Variants in ZNF287 observed in about 807,000 individuals in gnomAD.
ZNF287 encodes the protein zinc finger protein 287.
A neutral mutation model predicts 73.7 loss-of-function variants in ZNF287; 31 were observed. That is an observed-to-expected ratio of 0.42 (90% CI 0.32 to 0.57). ZNF287 has a LOEUF of 0.57. Among genes scored for constraint, ZNF287 ranks in the 20% least tolerant of loss-of-function variants. The pLI is 0.13. For missense variants in ZNF287, 641 were observed against 909.3 expected, an observed-to-expected ratio of 0.70 and a Z score of 3.79; for synonymous variants, 301 against 307.2, an observed-to-expected ratio of 0.98 and a Z score of 0.21.
intron 5 of ZNF287, among the ~76,000 whole-genome samples, chr17:16,562,372 A>G (rs1907499458): frequency 6.6e-6 from 1 of 152,240 alleles, no homozygotes; most frequent in Admixed American, 6.5e-5. Context: ...AAATGGACAA[A>G]AACTATTTTT....
rs982628006 is a variant in ZNF287, at chr17:16,548,634, A to G, written c.*3222T>C. 3.3e-5 allele frequency among the ~76,000 whole-genome samples: 5 copies of G among 151,906 alleles called. No homozygotes were observed. The highest frequency in any genetic ancestry group is 1.9e-4 in the East Asian group (1 of 5,182). On this transcript the variant is annotated 3_prime_UTR_variant, in exon 6 of 6. Transcript: ENST00000395825. ...AACACAGTGAAACCCCATCTCTACT[A>G]AAAAAATACAAAGAAATTAGCCGGG...
Position 16,563,228 on chromosome 17 carries a change from A to G in ZNF287, c.633T>C (p.Leu211=). Residue 211 remains leucine (L), a synonymous_variant, in exon 5 of 6, where the codon CTT becomes CTC. Transcript: ENST00000395825. ...QNYWNMVSLG[L]TVYRPTVIPI... ...GAATCACAGTTGGTCTGTACACTGT[A>G]AGTCCTGTTCAGGAGGAATATAAAG... 6.2e-7 allele frequency: 1 copy of G among 1,606,848 alleles called. No homozygotes were observed. Among genetic ancestry groups the G allele is most frequent in the Non-Finnish European group, 8.5e-7 (1 of 1,177,020 alleles).
chr17:16,549,861 T>C lies in ZNF287; in HGVS notation c.*1995A>G, dbSNP rs1367448602. ...TTAAGCAGTTCCCAAGTAAATGTTATTTGTTGAACATTTCTTTGATATATG... is the reference window on the plus strand; with the variant it reads ...TTAAGCAGTTCCCAAGTAAATGTTACTTGTTGAACATTTCTTTGATATATG... On this transcript the variant is annotated 3_prime_UTR_variant, in exon 6 of 6. Transcript: ENST00000395825. Among the ~76,000 whole-genome samples, 1 of 152,220 alleles carries C rather than the reference T, an allele frequency of 6.6e-6. No individual in the cohort carries two copies. Among genetic ancestry groups the C allele is most frequent in the Non-Finnish European group, 1.5e-5 (1 of 68,022 alleles).
rs9912759 is a variant in ZNF287 at position 16,547,927 on chromosome 17, T to C, written c.*3929A>G. ...ACTTAACACATTGAATCATGTGTTA[T>C]CACTGCAGATGAAAGCATCAAACTC... is the stretch of plus-strand genomic sequence containing the variant. On this transcript the variant is annotated 3_prime_UTR_variant, in exon 6 of 6. Transcript: ENST00000395825. 0.034 allele frequency among the ~76,000 whole-genome samples: 5,143 copies of C among 152,278 alleles called. 310 individuals are homozygous for C. Among genetic ancestry groups the C allele is most frequent in the African/African-American group, 0.12 (4,899 of 41,526 alleles).
In ZNF287 at chr17:16,553,062, T is replaced by C. The variant is rs759296162; in HGVS notation, c.1080A>G (p.Lys360=). Residue 360 remains lysine, a synonymous_variant, in exon 6 of 6, where the codon AAA becomes AAG. Transcript: ENST00000395825. ...TGTAAGGCTTCTCTCCAGGAAGTAT[T>C]TTCCTATGTACAATACCATATGAGA... The part of the protein sequence containing the change: ...NHVSYGIVHR[K]ILPGEKPYKC... 1.2e-6 allele frequency: 2 copies of C among 1,614,090 alleles called. No homozygotes were observed. The highest frequency in any genetic ancestry group is 8.5e-7 in the Non-Finnish European group (1 of 1,180,028).
Position 16,563,193 on chromosome 17 carries a change from T to G in ZNF287, c.668A>C (p.Glu223Ala). 1.9e-6 allele frequency: 3 copies of G among 1,613,874 alleles called. No homozygotes were observed. The highest frequency in any genetic ancestry group is 2.5e-6 in the Non-Finnish European group (3 of 1,179,862). Reference protein sequence around the residue: ...VYRPTVIPILEEPWMVIKEIL... With the variant: ...VYRPTVIPILAEPWMVIKEIL... ...TTCTTTTATCACCATCCATGGTTCT[T>G]CCAATATGGGAATCACAGTTGGTCT... The change falls in exon 5 of 6, where the codon GAA (glutamate) becomes GCA (alanine). Residue 223 changes from glutamate (E) to alanine (A), a missense_variant. By Grantham distance (107) the Glu-to-Ala change is moderately radical. Transcript: ENST00000395825.
In ZNF287 at chr17:16,547,688, CCT is replaced by C. The variant is rs1353991370; in HGVS notation, c.*4166_*4167del. ...CCAGATCTTGGTTTCTAAATAGCTA[CCT>C]ATTAAAAGGAGCCAGGGATTCTTGG... is the stretch of plus-strand genomic sequence containing the variant. On this transcript the variant is annotated 3_prime_UTR_variant, in exon 6 of 6. Coordinates refer to ENST00000395825, the MANE Select transcript of ZNF287 (RefSeq NM_020653.4). 2.0e-5 allele frequency among the ~76,000 whole-genome samples: 3 copies of C among 152,172 alleles called. No individual in the cohort carries two copies. The highest frequency in any genetic ancestry group is 1.3e-4 in the Admixed American group (2 of 15,270).
chr17:16,567,213 T>G, intron 2 of ZNF287, 116 bp downstream of exon 2: 1 of 1,383,788 alleles, frequency 7.2e-7, no homozygotes, highest in Non-Finnish European at 9.7e-7. Context: ...TTTTAAAAAA[T>G]GCATCCTGGA....
rs930413525 is a variant in ZNF287, at chr17:16,552,138, C to T, written c.2004G>A (p.Arg668=). The change falls in exon 6 of 6, where the codon AGG becomes AGA. Residue 668 remains arginine, a synonymous_variant. Coordinates refer to ENST00000395825, the MANE Select transcript of ZNF287 (RefSeq NM_020653.4). This position sits in a 1 kb window ranked among gnomAD's most constrained non-coding sequence, Gnocchi z 6.5. ...TATAGGGTTTTTCTCCAGTATGAAT[C>T]CTTTGATGCTGAGTAAGATTTGCGC... is the stretch of plus-strand genomic sequence containing the variant. ...RQGANLTQHQ[R]IHTGEKPYKC... is the part of the protein sequence containing the mutation. 1 of 1,613,666 alleles carries T rather than the reference C, an allele frequency of 6.2e-7. No individual in the cohort carries two copies. The highest frequency in any genetic ancestry group is 1.3e-5 in the African/African-American group (1 of 74,808).
Position 16,568,426 on chromosome 17 carries a change from C to T in ZNF287, c.-198-497G>A, listed in dbSNP as rs111315254. Among the ~76,000 whole-genome samples, 314 of 152,260 alleles carry T rather than the reference C, an allele frequency of 2.1e-3. 2 individuals carry two copies. The highest frequency in any genetic ancestry group is 0.01 in the Middle Eastern group (3 of 294). On this transcript the variant is annotated intron_variant, in intron 1 of 5. Transcript: ENST00000395825. ...TTAATGCCAGCCGATTCTAGCCTTT[C>T]ACTATCAGAGGGTTGGGAAGACCAG...
rs1906416470 is a variant in ZNF287 at position 16,548,492 on chromosome 17, C to T, written c.*3364G>A. On this transcript the variant is annotated 3_prime_UTR_variant, in exon 6 of 6. Coordinates refer to ENST00000395825, the MANE Select transcript of ZNF287 (RefSeq NM_020653.4). ...TGAGACATTTTTCAAGACAACTGAC[C>T]TGCTCTCTTAAAGAGGAAAAACTGT... 6.6e-6 allele frequency among the ~76,000 whole-genome samples: 1 copy of T among 152,076 alleles called. No homozygotes were observed. Among genetic ancestry groups the T allele is most frequent in the Non-Finnish European group, 1.5e-5 (1 of 68,006 alleles).
chr17:16,552,199 A>C lies in ZNF287; in HGVS notation c.1943T>G (p.Phe648Cys). Residue 648 changes from phenylalanine (F) to cysteine (C), a missense_variant, in exon 6 of 6, where the codon TTT becomes TGT. Phe to Cys is a radical substitution (Grantham distance 205). Transcript: ENST00000395825. This position sits in a 1 kb window ranked among gnomAD's most constrained non-coding sequence, Gnocchi z 6.5. ...HQRIHNGEKP[F>C]KCNICGKAYR... ...TGCTTTCCCACATATATTGCATTTAAAGGGTTTTTCTCCATTATGAATCCT... is the reference window on the plus strand; with the variant it reads ...TGCTTTCCCACATATATTGCATTTACAGGGTTTTTCTCCATTATGAATCCT... 6.2e-7 allele frequency: 1 copy of C among 1,613,650 alleles called. No homozygotes were observed. Among genetic ancestry groups the C allele is most frequent in the Non-Finnish European group, 8.5e-7 (1 of 1,179,882 alleles).
At chr17:16,555,982 A>G (rs561699435) in intron 5 of ZNF287, among the ~76,000 whole-genome samples, 1 of 152,350 alleles carries the variant, frequency 6.6e-6, no homozygotes, top group Non-Finnish European at 1.5e-5. Flanking sequence ...CAGCTACATC[A>G]TCAGTAAGAG....
rs752041194 is a variant in ZNF287, at chr17:16,567,655, T to A, written c.77A>T (p.Gln26Leu). 5.0e-6 allele frequency: 8 copies of A among 1,614,224 alleles called. No homozygotes were observed. Among genetic ancestry groups the A allele is most frequent in the Non-Finnish European group, 5.9e-6 (7 of 1,180,028 alleles). Reference protein sequence around the residue: ...ILLRWKSDKAQSGPYNVEKEI... With the variant: ...ILLRWKSDKALSGPYNVEKEI... ...CTTCTCAACATTGTAGGGTCCACTC[T>A]GAGCCTTGTCTGACTTCCACCTTAG... Residue 26 changes from glutamine (Q) to leucine (L), a missense_variant, in exon 2 of 6, where the codon CAG becomes CTG. Gln to Leu is a moderately radical substitution (Grantham distance 113). Transcript: ENST00000395825.
chr17:16,565,130 G>A (rs912749106), intron 3 of ZNF287, among the ~76,000 whole-genome samples: 1 of 151,866 alleles, frequency 6.6e-6, no homozygotes, highest in Admixed American at 6.6e-5. Context: ...CAAGGCAGGA[G>A]GATCACTTTG....
chr17:16,549,964 T>C lies in ZNF287; in HGVS notation c.*1892A>G, dbSNP rs1364364525. On this transcript the variant is annotated 3_prime_UTR_variant, in exon 6 of 6. Coordinates refer to ENST00000395825, the MANE Select transcript of ZNF287 (RefSeq NM_020653.4). ...CTTTATTACTGAAATCTAATTTATA[T>C]AATTTATTCATTAATTCAACCATGT... Among the ~76,000 whole-genome samples the C allele has an allele frequency of 1.3e-5, 2 of 152,216 alleles. No individual in the cohort carries two copies. Among genetic ancestry groups the C allele is most frequent in the African/African-American group, 4.8e-5 (2 of 41,454 alleles).
At position 16,553,417 on chromosome 17, in the gene ZNF287, G is replaced by C; in HGVS notation, c.725C>G (p.Thr242Ser). 1 of 1,487,592 alleles carries C rather than the reference G, an allele frequency of 6.7e-7. No homozygotes were observed. Among genetic ancestry groups the C allele is most frequent in the East Asian group, 2.4e-5 (1 of 41,630 alleles). The allele number at this position is 1,487,592 out of a possible 1,614,324, so 92.1% of individuals were successfully genotyped here. ...ILEGPSPEWE[T>S]KAQACTPVED... The stretch of plus-strand genomic sequence containing the variant: ...CACTGGAGTACATGCTTGGGCTTTA[G>C]TTTCCCATTCTGAAATAAAAAATAT... Residue 242 changes from threonine to serine, a missense_variant, in exon 6 of 6, where the codon ACT becomes AGT. Physicochemically the swap from Thr to Ser is moderately conservative, Grantham distance 58. Around this residue, in one of 2 missense-constraint regions of ZNF287, gnomAD observed 357 missense variants for 442.4 expected, o/e 0.81. Coordinates refer to ENST00000395825, the MANE Select transcript of ZNF287 (RefSeq NM_020653.4).
chr17:16,555,308 T>G (rs1235667150), intron 5 of ZNF287, among the ~76,000 whole-genome samples: 1 of 152,208 alleles, frequency 6.6e-6, no homozygotes, highest in Non-Finnish European at 1.5e-5. Flanking sequence ...GGCTTCTATA[T>G]ATGCTCCATT....
chr17:16,555,425 A>G (rs1906982195), intron 5 of ZNF287, among the ~76,000 whole-genome samples: 2 of 152,174 alleles, frequency 1.3e-5, no homozygotes, highest in African/African-American at 4.8e-5. Flanking sequence ...TATATTTCCA[A>G]CCTAGATGCA....
Sources: allele counts gnomAD v4.1 joint callset (sites outside exome capture counted in the v4.1 genomes callset), GRCh38; gene constraint gnomAD v4.1.1; regional missense constraint gnomAD v4.1.1; non-coding constraint Gnocchi (gnomAD v3.1); transcripts MANE v1.5; gene names NCBI Gene and HGNC (gene_info 2026-07-23, HGNC 2026-07-21).